The following NRG3 variants were observed in gnomAD, a reference collection of about 807,000 sequenced individuals.
The protein encoded by NRG3 is neuregulin 3.
In NRG3, 31 loss-of-function variants were observed where a neutral mutation model predicts 66.9. The observed-to-expected ratio is 0.46, with a 90% CI of 0.35 to 0.63. The LOEUF (loss-of-function observed/expected upper bound fraction) is 0.63. Ranked by LOEUF, NRG3 falls within the 20% of genes least tolerant of loss-of-function variation. The probability of loss-of-function intolerance (pLI) is 0.00; values close to 1 mark genes in which losing one functional copy is unlikely to be tolerated. For synonymous variants in NRG3, 393 were observed against 359.4 expected (o/e 1.09, Z -1.06); for missense variants, 910 against 878.9 (o/e 1.04, Z -0.45).
At chr10:81,991,053 T>G (rs2060720228) in intron 1 of NRG3, among the ~76,000 whole-genome samples, 1 of 152,238 alleles carries the variant, frequency 6.6e-6, no homozygotes, top group African/African-American at 2.4e-5. Flanking sequence ...TACTTATTTA[T>G]GCAAAAGGAA....
At chr10:82,715,603 G>A (rs1011644988) in intron 2 of NRG3, among the ~76,000 whole-genome samples, 1 of 152,092 alleles carries the variant, frequency 6.6e-6, no homozygotes, top group African/African-American at 2.4e-5. Flanking sequence ...GAGACATAAG[G>A]TAATATATAT....
chr10:82,498,521 C>T (rs1386477527), intron 2 of NRG3, among the ~76,000 whole-genome samples: 3 of 152,060 alleles, frequency 2.0e-5, no homozygotes, highest in African/African-American at 4.8e-5. Context: ...AGGGGTTTAC[C>T]ATTGGTGGGT....
At chr10:81,943,185 T>C (rs1160083205) in intron 1 of NRG3, among the ~76,000 whole-genome samples, 4 of 151,996 alleles carry the variant, frequency 2.6e-5, no homozygotes, top group Non-Finnish European at 4.4e-5. Flanking sequence ...AGCTCAAGAC[T>C]AGCCTGGACA....
intron 2 of NRG3, among the ~76,000 whole-genome samples, chr10:82,406,341 C>CCTCATATCT: frequency 6.6e-6 from 1 of 152,208 alleles, no homozygotes; most frequent in East Asian, 1.9e-4. Context: ...AATGATAATA[C>CCTCATATCT]CTCATATCTC....
chr10:82,168,521 T>C (rs1430083634), intron 1 of NRG3, among the ~76,000 whole-genome samples: 3 of 152,112 alleles, frequency 2.0e-5, no homozygotes, highest in Non-Finnish European at 2.9e-5. Context: ...GTTTTGAGCT[T>C]TTTCTTTTCT....
intron 1 of NRG3, among the ~76,000 whole-genome samples, chr10:82,263,408 A>G (rs1032107265): frequency 1.3e-5 from 2 of 152,170 alleles, no homozygotes; most frequent in African/African-American, 4.8e-5. Context: ...GAACATTTTT[A>G]TCCTCCAAAT....
intron 1 of NRG3, among the ~76,000 whole-genome samples, chr10:82,178,795 A>G (rs554793337): frequency 1.3e-5 from 2 of 152,134 alleles, no homozygotes; most frequent in African/African-American, 4.8e-5. Flanking sequence ...AGAAGACTTC[A>G]TAGTGTTTTC....
chr10:82,799,002 A>G (rs1030165724), intron 3 of NRG3, among the ~76,000 whole-genome samples: 1 of 152,168 alleles, frequency 6.6e-6, no homozygotes, highest in Non-Finnish European at 1.5e-5. Flanking sequence ...ATTGGATGTC[A>G]GTCATTCTGA....
intron 1 of NRG3, among the ~76,000 whole-genome samples, chr10:81,927,230 C>T (rs1013685818): frequency 2.0e-5 from 3 of 152,000 alleles, no homozygotes; most frequent in African/African-American, 4.8e-5. Context: ...AGAAAGTAAA[C>T]GCCAAATTAT....
chr10:82,613,312 G>C (rs1180175127), intron 2 of NRG3, among the ~76,000 whole-genome samples: 1 of 151,428 alleles, frequency 6.6e-6, no homozygotes, highest in Non-Finnish European at 1.5e-5. Flanking sequence ...AATATTTTAA[G>C]GGCTTATATC....
chr10:82,733,070 T>C (rs979233314), intron 2 of NRG3, among the ~76,000 whole-genome samples: 1 of 152,220 alleles, frequency 6.6e-6, no homozygotes, highest in African/African-American at 2.4e-5. Flanking sequence ...ACCATATAGT[T>C]TGTCTACAAC....
At chr10:82,118,192 T>C (rs2067848355) in intron 1 of NRG3, among the ~76,000 whole-genome samples, 1 of 149,596 alleles carries the variant, frequency 6.7e-6, no homozygotes, top group African/African-American at 2.5e-5. Flanking sequence ...AAGGCCAGAG[T>C]GATTAGGCTT....
chr10:82,865,475 A>G, intron 4 of NRG3, 38 bp downstream of exon 4: 1 of 1,600,718 alleles, frequency 6.2e-7, no homozygotes. Flanking sequence ...TATCCTGGAA[A>G]TGCTAAGCTT....
At chr10:82,956,332 A>G (rs922746439) in intron 5 of NRG3, among the ~76,000 whole-genome samples, 3 of 151,950 alleles carry the variant, frequency 2.0e-5, no homozygotes, top group African/African-American at 7.3e-5. Flanking sequence ...AATGCCTCTC[A>G]TGAGAGAGCT....
chr10:82,319,220 G>C (rs554754790), intron 1 of NRG3, among the ~76,000 whole-genome samples: 2 of 152,358 alleles, frequency 1.3e-5, no homozygotes, highest in East Asian at 3.9e-4. Flanking sequence ...GCTGCTGTGG[G>C]GAGTCCCCTT....
At chr10:82,620,448 A>G (rs2048969481) in intron 2 of NRG3, among the ~76,000 whole-genome samples, 2 of 152,064 alleles carry the variant, frequency 1.3e-5, no homozygotes, top group Non-Finnish European at 2.9e-5. Context: ...ATCTTCCCTG[A>G]AGTCTGGCCC....
At chr10:81,888,416 T>C (rs1303270558) in intron 1 of NRG3, among the ~76,000 whole-genome samples, 1 of 152,174 alleles carries the variant, frequency 6.6e-6, no homozygotes, top group African/African-American at 2.4e-5. Context: ...AAGTGTGATA[T>C]ACACAAGAAA....
At chr10:82,026,432 G>A (rs1402147067) in intron 1 of NRG3, among the ~76,000 whole-genome samples, 4 of 152,044 alleles carry the variant, frequency 2.6e-5, no homozygotes, top group Non-Finnish European at 5.9e-5. Flanking sequence ...AAGCTAAAGT[G>A]CTCTTCAGGT....
intron 1 of NRG3, among the ~76,000 whole-genome samples, chr10:81,883,089 T>C (rs1470684618): frequency 6.6e-6 from 1 of 152,120 alleles, no homozygotes; most frequent in Non-Finnish European, 1.5e-5. Context: ...CTAATTGTCA[T>C]TGGGTCTTTA....
Sources: gnomAD v4.1 joint callset for allele counts (sites outside exome capture counted in the v4.1 genomes callset) on GRCh38, gnomAD v4.1.1 for gene constraint, MANE v1.5 for transcripts, NCBI Gene and HGNC (gene_info 2026-07-23, HGNC 2026-07-21) for gene names.